PHIP: variants seen among roughly 807,000 people sequenced by gnomAD.
PHIP encodes the protein PHIP subunit of CUL4-Ring ligase complex, also known as PH-interacting protein.
A neutral mutation model predicts 236.8 loss-of-function variants in PHIP; 54 were observed. That is an observed-to-expected ratio of 0.23 (90% CI 0.18 to 0.29). The LOEUF (loss-of-function observed/expected upper bound fraction) is 0.29, where lower values mean the gene tolerates loss of function less well. PHIP is among the 10% of genes least tolerant of loss of function. The pLI is 1.00. For synonymous variants in PHIP, 756 were observed against 718.9 expected, an observed-to-expected ratio of 1.05 and a Z score of -0.83; for missense variants, 1,370 against 2,190.8, an observed-to-expected ratio of 0.63 and a Z score of 7.48.
At chr6:78,999,766 AAG>A (rs1769866415) in intron 17 of PHIP, among the ~76,000 whole-genome samples, 1 of 152,044 alleles carries the variant, frequency 6.6e-6, no homozygotes, top group Non-Finnish European at 1.5e-5. Flanking sequence ...TAAAAGGAAA[AAG>A]AAATTACATG....
At chr6:78,995,557 A>G (rs1432018764) in intron 19 of PHIP, among the ~76,000 whole-genome samples, 1 of 152,116 alleles carries the variant, frequency 6.6e-6, no homozygotes, top group East Asian at 1.9e-4. Flanking sequence ...TTTTATTTTA[A>G]CCATTCTGAG....
intron 7 of PHIP, among the ~76,000 whole-genome samples, chr6:79,040,934 T>C (rs1772180119): frequency 6.6e-6 from 1 of 152,126 alleles, no homozygotes; most frequent in South Asian, 2.1e-4. Context: ...GTGCTACTTT[T>C]CTTCTCTTAA....
intron 29 of PHIP, 43 bp downstream of exon 29, chr6:78,965,654 AAGAAAT>A: frequency 9.8e-7 from 1 of 1,017,874 alleles, no homozygotes; most frequent in Non-Finnish European, 1.5e-6. Context: ...ATAATTTCTT[AAGAAAT>A]TAACTCCATA....
Position 78,937,600 on chromosome 6 carries a change from G to A in PHIP, c.*3093C>T, listed in dbSNP as rs1303765383. ...TTCCACATACTTATTTACTTGGATTGGAGGAAGACAGTTTTATAATAATGC... is the reference window on the plus strand; with the variant it reads ...TTCCACATACTTATTTACTTGGATTAGAGGAAGACAGTTTTATAATAATGC... On this transcript the variant is annotated 3_prime_UTR_variant, in exon 40 of 40. Transcript: ENST00000275034. The A allele has an allele frequency of 6.6e-6, 1 of 151,654 alleles. No individual in the cohort carries two copies. Among genetic ancestry groups the A allele is most frequent in the Non-Finnish European group, 1.5e-5 (1 of 67,640 alleles). The allele number at this position is 151,654 out of a possible 1,614,324, so 9.4% of individuals were successfully genotyped here. A position where few individuals can be genotyped will look rare whatever the true frequency, so the allele number is the denominator to read the frequency against.
intron 29 of PHIP, 51 bp downstream of exon 29, chr6:78,965,652 T>C (rs372611209): frequency 1.0e-6 from 1 of 1,004,192 alleles, no homozygotes; most frequent in African/African-American, 1.6e-5. Flanking sequence ...AAATAATTTC[T>C]TAAGAAATTA....
Position 78,945,985 on chromosome 6 carries a change from A to T in PHIP, c.4630+16T>A, listed in dbSNP as rs1773790386. 1.3e-6 allele frequency: 2 copies of T among 1,574,710 alleles called. No homozygotes were observed. Among genetic ancestry groups the T allele is most frequent in the Non-Finnish European group, 1.7e-6 (2 of 1,146,284 alleles). Reference sequence around the variant, plus strand: ...AAAATCATCATATACATTTCAATTTAGAAAGTGAGTCTTACTTGTTTTCCC... The same window carrying T: ...AAAATCATCATATACATTTCAATTTTGAAAGTGAGTCTTACTTGTTTTCCC... On this transcript the variant is annotated intron_variant, in intron 38 of 39. Transcript: ENST00000275034.
rs181346509 is a variant in PHIP at position 78,960,078 on chromosome 6, T to A, written c.3657-1478A>T. On this transcript the variant is annotated intron_variant, in intron 31 of 39. Transcript: ENST00000275034. ...AGCTCACTGACATCGCTCAGCATCA[T>A]GAAAGAGTACATCACAAGCCCAGAA... Among the ~76,000 whole-genome samples the A allele has an allele frequency of 5.9e-5, 9 of 152,216 alleles. No homozygotes were observed. The East Asian group carries it at 1.4e-3, about 23-fold the overall frequency.
At chr6:78,953,748 G>A (rs1766216660) in intron 35 of PHIP, among the ~76,000 whole-genome samples, 1 of 151,974 alleles carries the variant, frequency 6.6e-6, no homozygotes, top group Non-Finnish European at 1.5e-5. Context: ...AATTAGCCCG[G>A]CTAATTTTTG....
At chr6:79,061,851 T>A (rs1773398728) in intron 4 of PHIP, among the ~76,000 whole-genome samples, 1 of 151,836 alleles carries the variant, frequency 6.6e-6, no homozygotes, top group Non-Finnish European at 1.5e-5. Flanking sequence ...TGGGGGGAGG[T>A]GAGGATTTAA....
At chr6:79,032,074 G>A (rs1283340544) in intron 7 of PHIP, among the ~76,000 whole-genome samples, 1 of 152,178 alleles carries the variant, frequency 6.6e-6, no homozygotes, top group African/African-American at 2.4e-5. Context: ...ATGCTGCAGT[G>A]TATTAAGTGT....
At chr6:78,948,209 C>T (rs1773933315) in intron 35 of PHIP, among the ~76,000 whole-genome samples, 1 of 152,164 alleles carries the variant, frequency 6.6e-6, no homozygotes, top group South Asian at 2.1e-4. Flanking sequence ...ATGCCAGCAT[C>T]CCATTTATGC....
intron 6 of PHIP, among the ~76,000 whole-genome samples, chr6:79,044,394 T>C (rs1357005657): frequency 6.6e-6 from 1 of 152,156 alleles, no homozygotes; most frequent in Non-Finnish European, 1.5e-5. Context: ...GTTTCAATCA[T>C]AGCTTAGACC....
intron 6 of PHIP, among the ~76,000 whole-genome samples, chr6:79,059,351 TATC>T (rs1004027322): frequency 2.6e-5 from 4 of 151,610 alleles, no homozygotes; most frequent in African/African-American, 7.2e-5. Context: ...CATCAAGACA[TATC>T]ATACTCAAAC....
At chr6:78,979,625 G>A (rs1320549364) in intron 23 of PHIP, among the ~76,000 whole-genome samples, 1 of 151,912 alleles carries the variant, frequency 6.6e-6, no homozygotes, top group African/African-American at 2.4e-5. Context: ...TCTTGATGTT[G>A]TTACCTTAGA....
intron 18 of PHIP, 84 bp downstream of exon 18, chr6:78,998,169 AT>A: frequency 9.8e-7 from 1 of 1,019,142 alleles, no homozygotes; most frequent in Non-Finnish European, 1.5e-6. Context: ...ATGTACCATA[AT>A]TTTTTTAAAC....
chr6:79,017,717 CTAAA>C lies in PHIP; in HGVS notation c.995-138_995-135del, dbSNP rs1770901476. ...TACTCCAAAACCATTCACATTTATCCTAAATATATAACACATCTAACTGGAATTT... is the reference window on the plus strand; with the variant it reads ...TACTCCAAAACCATTCACATTTATCCTATATAACACATCTAACTGGAATTT... On this transcript the variant is annotated intron_variant, in intron 10 of 39. Transcript: ENST00000275034. 2.3e-5 allele frequency: 14 copies of C among 609,362 alleles called. No individual in the cohort carries two copies. In the East Asian group the frequency reaches 2.5e-4, roughly 11 times the overall value. The allele number at this position is 609,362 out of a possible 1,614,324, so 37.7% of individuals were successfully genotyped here. A position where few individuals can be genotyped will look rare whatever the true frequency, so the allele number is the denominator to read the frequency against.
At chr6:79,056,303 G>A (rs1369067720) in intron 6 of PHIP, among the ~76,000 whole-genome samples, 1 of 152,142 alleles carries the variant, frequency 6.6e-6, no homozygotes, top group African/African-American at 2.4e-5. Context: ...TAAAACATGT[G>A]AGGAGACAAA....
Position 79,017,334 on chromosome 6 carries a change from C to G in PHIP, c.1136+12G>C. 5 of 1,423,958 alleles carry G rather than the reference C, an allele frequency of 3.5e-6. No homozygotes were observed. The highest frequency in any genetic ancestry group is 4.8e-6 in the Non-Finnish European group (5 of 1,037,262). The allele number at this position is 1,423,958 out of a possible 1,614,324, so 88.2% of individuals were successfully genotyped here. On this transcript the variant is annotated intron_variant, in intron 12 of 39. Transcript: ENST00000275034. ...ATTTTAAAATTAGAATTAAATTAGACAAATATTTTACCTGTTACTAGTGTT... is the reference window on the plus strand; with the variant it reads ...ATTTTAAAATTAGAATTAAATTAGAGAAATATTTTACCTGTTACTAGTGTT...
chr6:79,033,840 G>A (rs1771788979), intron 7 of PHIP, among the ~76,000 whole-genome samples: 1 of 151,982 alleles, frequency 6.6e-6, no homozygotes, highest in Non-Finnish European at 1.5e-5. Context: ...TCTAACTTTT[G>A]AATTAAAGTG....
Sources: gnomAD v4.1 joint callset for allele counts (sites outside exome capture counted in the v4.1 genomes callset) on GRCh38, gnomAD v4.1.1 for gene constraint, MANE v1.5 for transcripts, NCBI Gene and HGNC (gene_info 2026-07-23, HGNC 2026-07-21) for gene names.